CADM1: variants seen among roughly 807,000 people sequenced by gnomAD.
CADM1 encodes TSLC-1.
In CADM1, 15 loss-of-function variants were observed where a neutral mutation model predicts 53.1. The ratio of observed to expected loss-of-function variants is 0.28; its 90% confidence interval spans 0.19 to 0.44. The LOEUF (loss-of-function observed/expected upper bound fraction) is 0.44. Among genes scored for constraint, CADM1 ranks in the 20% least tolerant of loss-of-function variants. The probability of loss-of-function intolerance (pLI) is 1.00; values close to 1 mark genes in which losing one functional copy is unlikely to be tolerated. For missense variants in CADM1, 434 were observed against 611.3 expected (o/e 0.71, Z 3.06); for synonymous variants, 281 against 243.0 (o/e 1.16, Z -1.45).
At position 115,190,666 on chromosome 11, in the gene CADM1, C is replaced by T. The variant is rs549280383; in HGVS notation, c.1165+222G>A. 2.9e-4 allele frequency: 160 copies of T among 546,932 alleles called. 1 individual carries two copies. The highest frequency in any genetic ancestry group is 3.4e-4 in the Non-Finnish European group (104 of 305,868). The allele number at this position is 546,932 out of a possible 1,614,324, so 33.9% of individuals were successfully genotyped here. ...CCCAAAGGTAACTTGTCCTCTCCTG[C>T]GTTAATTAAATTGTCCCCATTCCGA... On this transcript the variant is annotated intron_variant, in intron 10 of 11. Coordinates refer to ENST00000331581, the MANE Select transcript of CADM1 (RefSeq NM_001301043.2).
In CADM1 at chr11:115,338,892, A is replaced by T. The variant is rs1370952974; in HGVS notation, c.125-98472T>A. Among the ~76,000 whole-genome samples, 955 of 132,466 alleles carry T rather than the reference A, an allele frequency of 7.2e-3. 13 individuals carry two copies. Among genetic ancestry groups the T allele is most frequent in the African/African-American group, 0.023 (817 of 34,892 alleles). 86.9% of individuals were successfully genotyped at this position (132,466 alleles called of 152,430 possible). ...TATTTTTTTTATTTTTTTTTTTTTAATTTTTTTTTTTTTTTATTATACTCT... is the reference window on the plus strand; with the variant it reads ...TATTTTTTTTATTTTTTTTTTTTTATTTTTTTTTTTTTTTTATTATACTCT... On this transcript the variant is annotated intron_variant, in intron 1 of 11. Transcript: ENST00000331581.
chr11:115,424,642 T>G (rs1279159749), intron 1 of CADM1, among the ~76,000 whole-genome samples: 1 of 152,120 alleles, frequency 6.6e-6, no homozygotes, highest in African/African-American at 2.4e-5. Flanking sequence ...TTCTCCAGCC[T>G]CAGCCTCCCA....
At chr11:115,396,126 A>G (rs1946988598) in intron 1 of CADM1, among the ~76,000 whole-genome samples, 2 of 152,224 alleles carry the variant, frequency 1.3e-5, no homozygotes, top group Non-Finnish European at 2.9e-5. Context: ...CATAATGCTA[A>G]CGTGCTATGA....
chr11:115,332,750 T>C (rs1461509682), intron 1 of CADM1, among the ~76,000 whole-genome samples: 1 of 152,152 alleles, frequency 6.6e-6, no homozygotes, highest in Non-Finnish European at 1.5e-5. Flanking sequence ...GTATGACTGA[T>C]TTTTGTAAAC....
At chr11:115,367,841 G>C (rs1393262719) in intron 1 of CADM1, among the ~76,000 whole-genome samples, 1 of 151,574 alleles carries the variant, frequency 6.6e-6, no homozygotes, top group Non-Finnish European at 1.5e-5. Context: ...AGTGAATCCT[G>C]AATATAAGAT....
At chr11:115,494,263 G>A (rs1191262123) in intron 1 of CADM1, among the ~76,000 whole-genome samples, 2 of 152,000 alleles carry the variant, frequency 1.3e-5, no homozygotes, top group Non-Finnish European at 2.9e-5. Flanking sequence ...AATAAAAGTT[G>A]AGGGAAAAAT....
chr11:115,175,468 T>C lies in CADM1; in HGVS notation c.*1006A>G, dbSNP rs1426631172. 1.0e-6 allele frequency: 1 copy of C among 985,426 alleles called. No individual in the cohort carries two copies. Among genetic ancestry groups the C allele is most frequent in the Non-Finnish European group, 1.2e-6 (1 of 829,914 alleles). 61.0% of individuals were successfully genotyped at this position (985,426 alleles called of 1,614,324 possible). On this transcript the variant is annotated 3_prime_UTR_variant, in exon 12 of 12. Transcript: ENST00000331581. Reference sequence around the variant, plus strand: ...ACAAATTAGTGAGAAGTAAGGCCGATTGGGAAAGGTGGATGGAATCATTTG... The same window carrying C: ...ACAAATTAGTGAGAAGTAAGGCCGACTGGGAAAGGTGGATGGAATCATTTG...
rs145107263 is a variant in CADM1 at position 115,209,930 on chromosome 11, C to T, written c.995-273G>A. Reference sequence around the variant, plus strand: ...AGAGGGGAGGAAAAATCAAAACATACGACACCCCTCTTCCCTACCAGATTT... The same window carrying T: ...AGAGGGGAGGAAAAATCAAAACATATGACACCCCTCTTCCCTACCAGATTT... On this transcript the variant is annotated intron_variant, in intron 7 of 11. Transcript: ENST00000331581. 2.0e-4 allele frequency among the ~76,000 whole-genome samples: 30 copies of T among 152,220 alleles called. No homozygotes were observed. In the East Asian group the frequency reaches 3.5e-3, roughly 18 times the overall value.
intron 5 of CADM1, among the ~76,000 whole-genome samples, chr11:115,224,501 TTTTC>T (rs1377241826): frequency 1.3e-5 from 2 of 152,004 alleles, no homozygotes; most frequent in Admixed American, 6.6e-5. Flanking sequence ...CATCTCTGAG[TTTTC>T]TTTCTTTTTT....
At chr11:115,491,223 T>C (rs927461333) in intron 1 of CADM1, among the ~76,000 whole-genome samples, 6 of 152,068 alleles carry the variant, frequency 3.9e-5, no homozygotes, top group African/African-American at 1.2e-4. Context: ...CACGTTATAT[T>C]GTATGAAAAG....
chr11:115,227,630 T>C (rs978491809), intron 5 of CADM1, among the ~76,000 whole-genome samples: 1 of 152,218 alleles, frequency 6.6e-6, no homozygotes, highest in South Asian at 2.1e-4. Flanking sequence ...CGTTTTCCCA[T>C]TATAGGGACA....
rs1938753020 is a variant in CADM1 at position 115,170,480 on chromosome 11, G to A, written c.*5994C>T. ...AATAAAAACATAAAAATGAAACAAA[G>A]TTTCCTGTGTACTGAAGAGGCTGGA... On this transcript the variant is annotated 3_prime_UTR_variant, in exon 12 of 12. Coordinates refer to ENST00000331581, the MANE Select transcript of CADM1 (RefSeq NM_001301043.2). 6.6e-6 allele frequency: 1 copy of A among 151,924 alleles called. No individual in the cohort carries two copies. The highest frequency in any genetic ancestry group is 1.5e-5 in the Non-Finnish European group (1 of 68,042). The allele number at this position is 151,924 out of a possible 1,614,324, so 9.4% of individuals were successfully genotyped here.
At chr11:115,193,193 T>C (rs1357001195) in intron 9 of CADM1, among the ~76,000 whole-genome samples, 1 of 152,226 alleles carries the variant, frequency 6.6e-6, no homozygotes, top group Non-Finnish European at 1.5e-5. Context: ...GCAGAGAACA[T>C]TCTTCAAAAG....
intron 1 of CADM1, among the ~76,000 whole-genome samples, chr11:115,491,492 C>T (rs1297784722): frequency 6.6e-6 from 1 of 151,502 alleles, no homozygotes; most frequent in Non-Finnish European, 1.5e-5. Context: ...ATGAACCTGG[C>T]GGCGGGGAGC....
At position 115,173,059 on chromosome 11, in the gene CADM1, G is replaced by A. The variant is rs1254837103; in HGVS notation, c.*3415C>T. On this transcript the variant is annotated 3_prime_UTR_variant, in exon 12 of 12. Coordinates refer to ENST00000331581, the MANE Select transcript of CADM1 (RefSeq NM_001301043.2). ...AGAGCAAATCCTGCTGTCTACCCAG[G>A]CCTGGAAGTCTCAGCAACCTAAACA... is the stretch of plus-strand genomic sequence containing the variant. The A allele has an allele frequency of 6.6e-6, 1 of 152,266 alleles. No individual in the cohort carries two copies. The highest frequency in any genetic ancestry group is 2.4e-5 in the African/African-American group (1 of 41,436). 9.4% of individuals were successfully genotyped at this position (152,266 alleles called of 1,614,324 possible).
intron 1 of CADM1, among the ~76,000 whole-genome samples, chr11:115,307,399 A>G (rs1944402599): frequency 6.6e-6 from 1 of 151,892 alleles, no homozygotes; most frequent in Non-Finnish European, 1.5e-5. Context: ...CAAGAACACC[A>G]AAAATGCAGT....
intron 9 of CADM1, among the ~76,000 whole-genome samples, chr11:115,196,623 A>AAAATTG (rs1565291008): frequency 6.6e-4 from 92 of 140,134 alleles, no homozygotes; most frequent in Non-Finnish European, 1.2e-3. Flanking sequence ...AAAAAAAATC[A>AAAATTG]CAAAACAATC....
intron 1 of CADM1, among the ~76,000 whole-genome samples, chr11:115,250,053 C>T (rs772710389): frequency 8.6e-5 from 13 of 152,014 alleles, no homozygotes; most frequent in African/African-American, 2.7e-4. Flanking sequence ...TACAGGCGCC[C>T]GCCACCACCC....
At chr11:115,424,529 G>GT (rs1423903741) in intron 1 of CADM1, among the ~76,000 whole-genome samples, 3 of 151,936 alleles carry the variant, frequency 2.0e-5, no homozygotes, top group Non-Finnish European at 2.9e-5. Flanking sequence ...TTGTTGTTTT[G>GT]TTTTTTGGGT....
Sources: gnomAD v4.1 joint callset for allele counts (sites outside exome capture counted in the v4.1 genomes callset) on GRCh38, gnomAD v4.1.1 for gene constraint, MANE v1.5 for transcripts, NCBI Gene and HGNC (gene_info 2026-07-23, HGNC 2026-07-21) for gene names.